Variants in AP3D1 observed in about 807,000 individuals in gnomAD.
AP3D1 encodes the protein AP-3 complex subunit delta-1.
Under a neutral mutation model 147.6 loss-of-function variants are expected in AP3D1, and 51 were observed. That is an observed-to-expected ratio of 0.35 (90% confidence interval 0.28 to 0.44). The LOEUF is 0.44. Ranked by LOEUF, AP3D1 falls within the 20% of genes least tolerant of loss-of-function variation. The probability of loss-of-function intolerance (pLI) is 1.00; values close to 1 mark genes in which losing one functional copy is unlikely to be tolerated. For synonymous variants in AP3D1, 760 were observed against 663.0 expected (o/e 1.15, Z -2.25); for missense variants, 1,421 against 1,624.2 (o/e 0.87, Z 2.15).
intron 31 of AP3D1, among the ~76,000 whole-genome samples, chr19:2,108,277 T>C (rs1345192870): frequency 6.6e-6 from 1 of 152,138 alleles, no homozygotes; most frequent in Non-Finnish European, 1.5e-5. Context: ...GTCGACACAC[T>C]GCGAAGACAA....
intron 29 of AP3D1, chr19:2,109,513 C>T: frequency 4.1e-6 from 2 of 487,310 alleles, no homozygotes; most frequent in Non-Finnish European, 3.7e-6. Context: ...AGGATGCAGG[C>T]ACGCAGAGGA....
In AP3D1 at chr19:2,129,406, G is replaced by A. The variant is rs773799433; in HGVS notation, c.644C>T (p.Pro215Leu). Residue 215 changes from proline to leucine, a missense_variant, in exon 7 of 32, where the codon CCT becomes CTT. Transcript: ENST00000643116. ...NVICELARRN[P>L]KNYLSLAPLF... ...CGGGGCCAGGGACAGGTAGTTCTTA[G>A]GGTTGCGTCTGGCCAGCTCGCAGAT... 2 of 1,614,142 alleles carry A rather than the reference G, an allele frequency of 1.2e-6. No individual in the cohort carries two copies. Among genetic ancestry groups the A allele is most frequent in the Non-Finnish European group, 1.7e-6 (2 of 1,180,002 alleles).
rs577430414 is a variant in AP3D1 at position 2,110,983 on chromosome 19, C to T, written c.2986-87G>A. 2,898 of 1,424,082 alleles carry T rather than the reference C, an allele frequency of 2.0e-3. 7 individuals are homozygous for T. The highest frequency in any genetic ancestry group is 2.5e-3 in the Non-Finnish European group (2,633 of 1,041,390). 88.2% of individuals were successfully genotyped at this position (1,424,082 alleles called of 1,614,324 possible). ...ACCTGTCTCTTAATGACCACAGAGGCAGCAGGGGTCCCACAGGCACAGGAA... is the reference window on the plus strand; with the variant it reads ...ACCTGTCTCTTAATGACCACAGAGGTAGCAGGGGTCCCACAGGCACAGGAA... On this transcript the variant is annotated intron_variant, in intron 26 of 31. Coordinates refer to ENST00000643116, the MANE Select transcript of AP3D1 (RefSeq NM_001261826.3).
At chr19:2,111,395 G>C in intron 25 of AP3D1, 63 bp from the exon 26 acceptor site, 1 of 1,588,676 alleles carries the variant, frequency 6.3e-7, no homozygotes, top group East Asian at 2.2e-5. Context: ...GAAGACTCCA[G>C]TATGGCCCAA....
At chr19:2,114,625 C>G in intron 21 of AP3D1, 123 bp downstream of exon 21, 2 of 652,690 alleles carry the variant, frequency 3.1e-6, no homozygotes, top group Non-Finnish European at 5.5e-6. Flanking sequence ...GGGGAAGGCC[C>G]GCCCGCACCC....
intron 1 of AP3D1, among the ~76,000 whole-genome samples, chr19:2,159,141 C>T (rs1020657956): frequency 6.6e-6 from 1 of 152,054 alleles, no homozygotes; most frequent in African/African-American, 2.4e-5. Flanking sequence ...AGGCACACAC[C>T]ACCAGGCCAG....
At position 2,108,275 on chromosome 19, in the gene AP3D1, A is replaced by G. The variant is rs1000481162; in HGVS notation, c.3552+412T>C. On this transcript the variant is annotated intron_variant, in intron 31 of 31. Transcript: ENST00000643116. ...ACACACTGCGTTTGGCAGTCGACACACTGCGAAGACAACCACCCTGCAGTA... is the reference window on the plus strand; with the variant it reads ...ACACACTGCGTTTGGCAGTCGACACGCTGCGAAGACAACCACCCTGCAGTA... Among the ~76,000 whole-genome samples, 12 of 152,328 alleles carry G rather than the reference A, an allele frequency of 7.9e-5. No individual in the cohort carries two copies. The East Asian group carries it at 2.1e-3, about 27-fold the overall frequency.
At chr19:2,139,927 T>A (rs1037701762) in intron 1 of AP3D1, among the ~76,000 whole-genome samples, 2 of 147,386 alleles carry the variant, frequency 1.4e-5, no homozygotes, top group African/African-American at 4.9e-5. Context: ...GGCTGCCAGC[T>A]GCACCGGGCT....
intron 1 of AP3D1, among the ~76,000 whole-genome samples, chr19:2,157,980 C>T (rs2019661936): frequency 6.6e-6 from 1 of 152,198 alleles, no homozygotes; most frequent in Non-Finnish European, 1.5e-5. Context: ...CATCATTCTA[C>T]AGAAGCATTC....
At chr19:2,132,269 A>G (rs886932958) in intron 5 of AP3D1, among the ~76,000 whole-genome samples, 8 of 152,204 alleles carry the variant, frequency 5.3e-5, no homozygotes, top group Admixed American at 5.2e-4. Flanking sequence ...ATGATTTCAA[A>G]TATCAACTTA....
intron 31 of AP3D1, among the ~76,000 whole-genome samples, chr19:2,106,215 C>G (rs1361339678): frequency 2.0e-5 from 3 of 152,120 alleles, no homozygotes; most frequent in Non-Finnish European, 2.9e-5. Context: ...CTCCTCAAAA[C>G]CTCAAACGTG....
In AP3D1 at chr19:2,114,266, T is replaced by C. The variant is rs2018375301; in HGVS notation, c.2460A>G (p.Lys820=). The C allele has an allele frequency of 6.2e-7, 1 of 1,612,872 alleles. No individual in the cohort carries two copies. The highest frequency in any genetic ancestry group is 8.5e-7 in the Non-Finnish European group (1 of 1,179,676). ...ATTTTGAGGTCTCGGTGTTTCTGTG[T>C]TTCTGAATAGGCAGTTTCTCGCTGT... is the stretch of plus-strand genomic sequence containing the variant. The part of the protein sequence containing the change: ...LADSEKLPIQ[K]HRNTETSKSP... The change falls in exon 22 of 32, where the codon AAA becomes AAG. Residue 820 remains lysine, a synonymous_variant. Transcript: ENST00000643116.
upstream of AP3D1, among the ~76,000 whole-genome samples, chr19:2,156,162 A>G (rs1206018959): frequency 6.6e-6 from 1 of 152,194 alleles, no homozygotes; most frequent in East Asian, 1.9e-4. Context: ...GGTGACCAGC[A>G]GAGAGCAGTG....
upstream of AP3D1, among the ~76,000 whole-genome samples, chr19:2,152,065 A>G (rs1429461165): frequency 2.0e-5 from 3 of 152,268 alleles, no homozygotes; most frequent in African/African-American, 7.2e-5. Flanking sequence ...GACAGACATT[A>G]ACATGCCCAC....
At chr19:2,150,546 C>G (rs1342923388) in intron 1 of AP3D1, among the ~76,000 whole-genome samples, 2 of 152,242 alleles carry the variant, frequency 1.3e-5, no homozygotes, top group East Asian at 3.8e-4. Flanking sequence ...AAGCTGCTAC[C>G]TCACTGGGGA....
At chr19:2,111,386 A>G (rs777334869) in intron 25 of AP3D1, 54 bp from the exon 26 acceptor site, 64 of 1,602,956 alleles carry the variant, frequency 4.0e-5, no homozygotes, top group Non-Finnish European at 5.3e-5. Context: ...CGTCTCAGCG[A>G]AGACTCCAGT....
chr19:2,115,154 G>C lies in AP3D1; in HGVS notation c.2349+65C>G, dbSNP rs1021421100. On this transcript the variant is annotated intron_variant, in intron 20 of 31. Transcript: ENST00000643116. Reference sequence around the variant, plus strand: ...ACCATGGGGAGAGGCCACTGTGCATGGCCCCAGGACACACACATGCGGAAA... The same window carrying C: ...ACCATGGGGAGAGGCCACTGTGCATCGCCCCAGGACACACACATGCGGAAA... The C allele has an allele frequency of 4.6e-6, 7 of 1,518,860 alleles. No homozygotes were observed. The Admixed American group carries it at 1.2e-4, about 27-fold the overall frequency. 94.1% of individuals were successfully genotyped at this position (1,518,860 alleles called of 1,614,324 possible).
At position 2,129,193 on chromosome 19, in the gene AP3D1, G is replaced by A. The variant is rs369191265; in HGVS notation, c.733-30C>T. The A allele has an allele frequency of 4.3e-4, 693 of 1,606,830 alleles. 2 individuals are homozygous for A. The highest frequency in any genetic ancestry group is 6.0e-4 in the African/African-American group (44 of 73,862). On this transcript the variant is annotated intron_variant, in intron 7 of 31. Transcript: ENST00000643116. ...GGGGACAGCAGGGCCTCGGTCACCC[G>A]CAGGGAATGCCCCACGCAGGGTGAG...
rs537012308 is a variant in AP3D1, at chr19:2,151,397, G to A, written c.-63C>T. 4.5e-3 allele frequency: 5,150 copies of A among 1,140,368 alleles called. 16 individuals are homozygous for A. Among genetic ancestry groups the A allele is most frequent in the Middle Eastern group, 0.018 (59 of 3,316 alleles). The allele number at this position is 1,140,368 out of a possible 1,614,324, so 70.6% of individuals were successfully genotyped here. On this transcript the variant is annotated 5_prime_UTR_variant, in exon 1 of 32. Transcript: ENST00000643116. ...GGCTGGGCGCCGTGAGGGGGCCCGG[G>A]GCCCGTGCCTGCCGCCCGCGGAGCG...
Sources: gnomAD v4.1 joint callset for allele counts (sites outside exome capture counted in the v4.1 genomes callset) on GRCh38, gnomAD v4.1.1 for gene constraint, MANE v1.5 for transcripts, NCBI Gene and HGNC (gene_info 2026-07-23, HGNC 2026-07-21) for gene names.